The following RESP18 variants were observed in gnomAD, a reference collection of about 807,000 sequenced individuals.
The protein encoded by RESP18 is regulated endocrine specific protein 18, also known as regulated endocrine-specific protein 18.
RESP18 carries 30 observed loss-of-function variants against 30.0 expected under a neutral mutation model. That is an observed-to-expected ratio of 1.00 (90% CI 0.75 to 1.36). RESP18 has a LOEUF of 1.36. RESP18 is among the 40% of genes most tolerant of loss of function. RESP18 has a pLI of 0.00. For missense variants in RESP18, 320 were observed against 284.2 expected (o/e 1.13, Z -0.91); for synonymous variants, 117 against 111.2 (o/e 1.05, Z -0.33).
intron 2 of RESP18, among the ~76,000 whole-genome samples, chr2:219,332,310 C>T (rs1574949571): frequency 1.3e-5 from 2 of 152,210 alleles, no homozygotes; most frequent in Admixed American, 1.3e-4. Context: ...CAATTTTCAC[C>T]TGAACCCACT....
In RESP18 at chr2:219,330,922, C is replaced by T. The variant is rs1294466354; in HGVS notation, c.233-47G>A. ...CAGCAAGGAACCTGGCCAGAGCCTTCCACATCCCAGTTGAAGAGAAGCAGC... is the reference window on the plus strand; with the variant it reads ...CAGCAAGGAACCTGGCCAGAGCCTTTCACATCCCAGTTGAAGAGAAGCAGC... On this transcript the variant is annotated intron_variant, in intron 2 of 6. Coordinates refer to ENST00000333527, the MANE Select transcript of RESP18 (RefSeq NM_001007089.4). 6 of 1,125,592 alleles carry T rather than the reference C, an allele frequency of 5.3e-6. No homozygotes were observed. The Admixed American group carries it at 1.2e-4, about 22-fold the overall frequency. The allele number at this position is 1,125,592 out of a possible 1,614,324, so 69.7% of individuals were successfully genotyped here. A position where few individuals can be genotyped will look rare whatever the true frequency, so the allele number is the denominator to read the frequency against.
chr2:219,328,855 T>C (rs1260496777), intron 6 of RESP18, 69 bp downstream of exon 5: 13 of 965,256 alleles, frequency 1.3e-5, no homozygotes, highest in Non-Finnish European at 1.9e-5. Context: ...CAAGGGCATA[T>C]ATGGCAAAAA....
rs530591000 is a variant in RESP18 at position 219,328,125 on chromosome 2, A to G, written c.641-562T>C. Among the ~76,000 whole-genome samples, 187 of 152,354 alleles carry G rather than the reference A, an allele frequency of 1.2e-3. 1 individual carries two copies. The highest frequency in any genetic ancestry group is 4.4e-3 in the African/African-American group (181 of 41,582). On this transcript the variant is annotated intron_variant, in intron 6 of 6. Transcript: ENST00000333527. ...TTCACTTTTGCTCTCCTTACAGTTC[A>G]TTCCCCAACATCACCAGGGTGGCCT...
chr2:219,332,904 C>T (rs1418694944), intron 1 of RESP18, among the ~76,000 whole-genome samples, 160 bp from the exon 1 acceptor site: 2 of 152,258 alleles, frequency 1.3e-5, no homozygotes, highest in African/African-American at 4.8e-5. Context: ...CCTGTACTCC[C>T]AGTCCTAAGG....
At chr2:219,329,847 G>A (rs1371913834) in intron 3 of RESP18, 83 bp from the exon 3 acceptor site, 1 of 1,325,516 alleles carries the variant, frequency 7.5e-7, no homozygotes, top group Non-Finnish European at 1.0e-6. Flanking sequence ...TTTCTCTCAA[G>A]TATATATTAG....
At chr2:219,331,634 A>G (rs1574949226) in intron 2 of RESP18, among the ~76,000 whole-genome samples, 1 of 152,166 alleles carries the variant, frequency 6.6e-6, no homozygotes, top group East Asian at 1.9e-4. Flanking sequence ...CCCTGAGGAG[A>G]AGGGAAAGAG....
intron 4 of RESP18, 127 bp downstream of exon 3, chr2:219,329,510 C>G: frequency 6.6e-7 from 1 of 1,516,790 alleles, no homozygotes; most frequent in South Asian, 1.2e-5. Flanking sequence ...CTGCTGATTC[C>G]AAACAGGACC....
intron 6 of RESP18, among the ~76,000 whole-genome samples, chr2:219,328,065 A>T (rs762149236): frequency 8.5e-5 from 13 of 152,182 alleles, no homozygotes; most frequent in Non-Finnish European, 1.6e-4. Context: ...GTCTCCCTGG[A>T]CCAGGATGAG....
Position 219,330,871 on chromosome 2 carries a change from A to G in RESP18, c.237T>C (p.Gly79=). 1 of 1,549,266 alleles carries G rather than the reference A, an allele frequency of 6.5e-7. No homozygotes were observed. The highest frequency in any genetic ancestry group is 1.4e-5 in the African/African-American group (1 of 73,082). ...GCTGCCCCACTCCTACTTGGTCCTG[A>G]CCATCTAAGGGCAAAATAGTGGTGT... The change falls in exon 3 of 7, where the codon GGT becomes GGC. Residue 79 remains glycine (G), a synonymous_variant. Transcript: ENST00000333527.
chr2:219,328,922 AC>A lies in RESP18; in HGVS notation c.640+1del, dbSNP rs1303291547. On this transcript the variant is annotated splice_donor_variant, in intron 6 of 6. Coordinates refer to ENST00000333527, the MANE Select transcript of RESP18 (RefSeq NM_001007089.4). LOFTEE classifies it high-confidence loss of function. ...AATGCCTATTTTAAACTCAATACTT[AC>A]GCATGATCTTATAGATAATTTCTTC... The A allele has an allele frequency of 3.2e-6, 5 of 1,543,678 alleles. No homozygotes were observed. Among genetic ancestry groups the A allele is most frequent in the Non-Finnish European group, 4.4e-6 (5 of 1,140,392 alleles).
chr2:219,330,896 T>G, intron 2 of RESP18, 21 bp from the exon 2 acceptor site: 1 of 1,450,646 alleles, frequency 6.9e-7, no homozygotes. Flanking sequence ...AATAGTGGTG[T>G]CAGCAAGGAA....
chr2:219,329,755 C>T lies in RESP18; in HGVS notation c.347G>A (p.Trp116Ter), dbSNP rs1952811295. Residue 116 changes from tryptophan to a stop codon, truncating the protein, a stop_gained, in exon 4 of 7, where the codon TGG becomes TAG. Transcript: ENST00000333527. LOFTEE classifies it high-confidence loss of function. ...TGCATCCTGGGTGATGTCATCCTTC[C>T]AGAACAGACCTGCAGGATGAAAGGA... 1.3e-6 allele frequency: 2 copies of T among 1,551,364 alleles called. No homozygotes were observed. Among genetic ancestry groups the T allele is most frequent in the Admixed American group, 2.0e-5 (1 of 50,962 alleles).
chr2:219,329,558 C>A, intron 4 of RESP18, 79 bp downstream of exon 3: 3 of 1,541,328 alleles, frequency 1.9e-6, no homozygotes, highest in Non-Finnish European at 1.8e-6. Context: ...CTTCTACCTG[C>A]AGTTTTAGCA....
chr2:219,329,568 A>G (rs1226425950), intron 4 of RESP18, 69 bp downstream of exon 3: 2 of 1,545,048 alleles, frequency 1.3e-6, no homozygotes, highest in African/African-American at 2.7e-5. Flanking sequence ...CAGTTTTAGC[A>G]CACATTCCTT....
chr2:219,332,747 CCCT>C lies in RESP18; in HGVS notation c.18-12_18-10del. The C allele has an allele frequency of 6.5e-7, 1 of 1,527,608 alleles. No individual in the cohort carries two copies. Among genetic ancestry groups the C allele is most frequent in the Non-Finnish European group, 8.8e-7 (1 of 1,131,154 alleles). 94.6% of individuals were successfully genotyped at this position (1,527,608 alleles called of 1,614,324 possible). On this transcript the variant is annotated splice_polypyrimidine_tract_variant and intron_variant, in intron 1 of 6. Coordinates refer to ENST00000333527, the MANE Select transcript of RESP18 (RefSeq NM_001007089.4). ...AGCCCGCGACTCCGAATCTGTTTAACCCTCCTCGGCAGTTCAGCCAATCGTGAG... is the reference window on the plus strand; with the variant it reads ...AGCCCGCGACTCCGAATCTGTTTAACCCTCGGCAGTTCAGCCAATCGTGAG...
Position 219,330,866 on chromosome 2 carries a change from T to C in RESP18, c.242A>G (p.Asp81Gly), listed in dbSNP as rs1478532970. 6.4e-7 allele frequency: 1 copy of C among 1,550,428 alleles called. No individual in the cohort carries two copies. The highest frequency in any genetic ancestry group is 1.2e-5 in the South Asian group (1 of 84,044). Residue 81 changes from aspartate to glycine, a missense_variant, in exon 3 of 7, where the codon GAC (aspartate) becomes GGC (glycine). Physicochemically the swap from Asp to Gly is moderately conservative, Grantham distance 94 (BLOSUM62 -1). Coordinates refer to ENST00000333527, the MANE Select transcript of RESP18 (RefSeq NM_001007089.4). Reference sequence around the variant, plus strand: ...CCAAAGCTGCCCCACTCCTACTTGGTCCTGACCATCTAAGGGCAAAATAGT... The same window carrying C: ...CCAAAGCTGCCCCACTCCTACTTGGCCCTGACCATCTAAGGGCAAAATAGT...
In RESP18 at chr2:219,332,571, AG is replaced by A. The variant is rs750101855; in HGVS notation, c.184del (p.Leu62CysfsTer3). The A allele has an allele frequency of 1.7e-4, 264 of 1,551,282 alleles. No individual in the cohort carries two copies. In the Middle Eastern group the frequency reaches 3.0e-3, roughly 18 times the overall value. On this transcript the variant is annotated frameshift_variant, in exon 2 of 7. Transcript: ENST00000333527. LOFTEE classifies it high-confidence loss of function. ...GCCCCCCGGGCAGCTGTTCAGCAGC[AG>A]GAAGCAGACAAGCAGCTGGAGCCCC...
chr2:219,328,234 C>T (rs1412069628), intron 6 of RESP18, among the ~76,000 whole-genome samples: 1 of 152,152 alleles, frequency 6.6e-6, no homozygotes, highest in East Asian at 1.9e-4. Flanking sequence ...AAATTCAAAC[C>T]TTTTGCTATG....
At chr2:219,328,841 T>C (rs1952799130) in intron 6 of RESP18, 83 bp downstream of exon 5, 6 of 801,900 alleles carry the variant, frequency 7.5e-6, no homozygotes, top group South Asian at 3.2e-5. Context: ...TCATGTGCTA[T>C]ATACAAGGGC....
Sources: gnomAD v4.1 joint callset for allele counts (sites outside exome capture counted in the v4.1 genomes callset) on GRCh38, gnomAD v4.1.1 for gene constraint, MANE v1.5 for transcripts, NCBI Gene and HGNC (gene_info 2026-07-23, HGNC 2026-07-21) for gene names.